The following SCN3A variants were observed in gnomAD, a reference collection of about 807,000 sequenced individuals.
The protein encoded by SCN3A is sodium voltage-gated channel alpha subunit 3, also known as sodium channel protein type 3 subunit alpha.
A neutral mutation model predicts 187.6 loss-of-function variants in SCN3A; 60 were observed. The ratio of observed to expected loss-of-function variants is 0.32; its 90% CI spans 0.26 to 0.40. SCN3A has a LOEUF of 0.40. Among genes scored for constraint, SCN3A ranks in the 10% least tolerant of loss-of-function variants. SCN3A has a pLI of 1.00. For synonymous variants in SCN3A, 788 were observed against 829.2 expected (o/e 0.95, Z 0.85); for missense variants, 1,601 against 2,428.2 (o/e 0.66, Z 7.16).
chr2:165,127,728 A>T lies in SCN3A; in HGVS notation c.3296T>A (p.Leu1099His), dbSNP rs2105761994. 6.2e-7 allele frequency: 1 copy of T among 1,614,166 alleles called. No individual in the cohort carries two copies. Among genetic ancestry groups the T allele is most frequent in the South Asian group, 1.1e-5 (1 of 91,082 alleles). ...AACAGCAATTGGCACTGTGACGGTG[A>T]GGCTGGGGTTGTTTATGAATGACAT... The part of the protein sequence containing the change: ...DYMSFINNPS[L>H]TVTVPIAVGE... The change falls in exon 18 of 28, where the codon CTC becomes CAC. Residue 1099 changes from leucine to histidine, a missense_variant. Physicochemically the swap from Leu to His is moderately conservative, Grantham distance 99. Transcript: ENST00000283254.
intron 2 of SCN3A, among the ~76,000 whole-genome samples, chr2:165,186,292 A>AAC (rs1290655354): frequency 0.018 from 2,628 of 146,384 alleles, 38 homozygotes; most frequent in Non-Finnish European, 0.026. Context: ...ACAACAACAA[A>AAC]AAAACAAAAA....
At chr2:165,182,457 G>A (rs1690939529) in intron 2 of SCN3A, among the ~76,000 whole-genome samples, 1 of 152,132 alleles carries the variant, frequency 6.6e-6, no homozygotes, top group African/African-American at 2.4e-5. Context: ...TGAACCTAAA[G>A]GGTGAGCACA....
chr2:165,095,703 T>C, intron 24 of SCN3A, 55 bp from the exon 25 acceptor site: 1 of 1,013,336 alleles, frequency 9.9e-7, no homozygotes, highest in Non-Finnish European at 1.5e-6. Context: ...ATACTTACAC[T>C]AAATCAGTAA....
intron 15 of SCN3A, among the ~76,000 whole-genome samples, chr2:165,133,224 C>T (rs1315777919): frequency 5.5e-4 from 84 of 152,266 alleles, no homozygotes; most frequent in Admixed American, 1.5e-3. Context: ...GTCAGTGTGG[C>T]GATTCCTCAG....
At chr2:165,146,378 ATATATGTGTGTGTGTGTG>A (rs1384828862) in intron 12 of SCN3A, among the ~76,000 whole-genome samples, 36 of 137,458 alleles carry the variant, frequency 2.6e-4, no homozygotes, top group Middle Eastern at 3.6e-3. Context: ...TTATATATAT[ATATATGTGTGTGTGTGTG>A]TGTGTGTGTG....
chr2:165,126,838 A>G (rs138475839), intron 18 of SCN3A, among the ~76,000 whole-genome samples: 6 of 152,304 alleles, frequency 3.9e-5, no homozygotes, highest in East Asian at 1.9e-4. Flanking sequence ...GCAAAATATA[A>G]TAAGTACTAC....
intron 18 of SCN3A, among the ~76,000 whole-genome samples, chr2:165,116,281 T>C (rs971838226): frequency 2.0e-5 from 3 of 152,208 alleles, no homozygotes; most frequent in Non-Finnish European, 4.4e-5. Context: ...AGAATCTCTA[T>C]AGACTTTCAT....
chr2:165,094,314 C>T, intron 26 of SCN3A, 60 bp downstream of exon 26: 1 of 1,193,512 alleles, frequency 8.4e-7, no homozygotes, highest in South Asian at 1.2e-5. Flanking sequence ...CAGAGCATTG[C>T]TCAATTTGAC....
intron 5 of SCN3A, among the ~76,000 whole-genome samples, chr2:165,167,563 A>C (rs1325721917): frequency 2.6e-5 from 4 of 152,174 alleles, no homozygotes; most frequent in African/African-American, 9.7e-5. Context: ...AACCAGTCAG[A>C]TACCTGATTA....
intron 25 of SCN3A, among the ~76,000 whole-genome samples, chr2:165,094,867 T>C (rs1436894952): frequency 1.3e-5 from 2 of 152,156 alleles, no homozygotes; most frequent in African/African-American, 2.4e-5. Flanking sequence ...TACATAAATA[T>C]ATAAGATACA....
intron 15 of SCN3A, among the ~76,000 whole-genome samples, chr2:165,132,313 G>A (rs1337679115): frequency 1.3e-5 from 2 of 152,128 alleles, no homozygotes; most frequent in African/African-American, 4.8e-5. Flanking sequence ...AAAAGAGCCT[G>A]CATCGCCCAG....
Position 165,092,420 on chromosome 2 carries a change from C to T in SCN3A, c.4641G>A (p.Thr1547=), listed in dbSNP as rs199881559. 3.9e-5 allele frequency: 63 copies of T among 1,613,946 alleles called. No homozygotes were observed. The East Asian group carries it at 5.1e-4, about 13-fold the overall frequency. The part of the protein sequence containing the change: ...CLNMVTMMVE[T]DDQGKYMTLV... The stretch of plus-strand genomic sequence containing the variant: ...GGGTCATGTATTTGCCCTGGTCATC[C>T]GTTTCCACCATCATGGTGACCATGT... Residue 1547 remains threonine, a synonymous_variant, in exon 27 of 28, where the codon ACG becomes ACA. Coordinates refer to ENST00000283254, the MANE Select transcript of SCN3A (RefSeq NM_006922.4). This position sits in a 1 kb window ranked among gnomAD's most constrained non-coding sequence, Gnocchi z 4.2.
At chr2:165,183,203 C>T (rs1691000596) in intron 2 of SCN3A, among the ~76,000 whole-genome samples, 1 of 152,134 alleles carries the variant, frequency 6.6e-6, no homozygotes, top group Non-Finnish European at 1.5e-5. Context: ...AAAAGACATA[C>T]TTGGGATTTA....
At chr2:165,147,531 T>C (rs756959621) in intron 11 of SCN3A, among the ~76,000 whole-genome samples, 4 of 152,184 alleles carry the variant, frequency 2.6e-5, no homozygotes, top group African/African-American at 4.8e-5. Context: ...TACCTCCAGA[T>C]GGAAGTAGGG....
rs373422316 is a variant in SCN3A, at chr2:165,090,384, T to C, written c.5769A>G (p.Ile1923Met). The C allele has an allele frequency of 1.2e-6, 2 of 1,612,822 alleles. No homozygotes were observed. The highest frequency in any genetic ancestry group is 1.3e-5 in the African/African-American group (1 of 74,898). ...CYLLKQRLKNISSNYNKEAIK... is the reference protein window; with the variant it reads ...CYLLKQRLKNMSSNYNKEAIK... ...TTGCCTCTTTGTTATAGTTACTTGA[T>C]ATATTTTTTAACCTTTGCTTTAAAA... is the stretch of plus-strand genomic sequence containing the variant. The change falls in exon 28 of 28, where the codon ATA becomes ATG. Residue 1923 changes from isoleucine to methionine, a missense_variant. By Grantham distance (10) the Ile-to-Met change is conservative (BLOSUM62 1). Transcript: ENST00000283254. This position sits in a 1 kb window ranked among gnomAD's most constrained non-coding sequence, Gnocchi z 4.0.
intron 12 of SCN3A, among the ~76,000 whole-genome samples, chr2:165,143,848 G>A (rs1362108104): frequency 2.0e-5 from 3 of 152,178 alleles, no homozygotes; most frequent in Non-Finnish European, 4.4e-5. Context: ...TTCAAAGTGG[G>A]TTGGGAAAAG....
rs1014463785 is a variant in SCN3A at position 165,104,740 on chromosome 2, A to C, written c.3844-4316T>G. 3.1e-4 allele frequency among the ~76,000 whole-genome samples: 47 copies of C among 152,078 alleles called. 1 individual carries two copies. Among genetic ancestry groups the C allele is most frequent in the Non-Finnish European group, 5.9e-5 (4 of 68,018 alleles). On this transcript the variant is annotated intron_variant, in intron 21 of 27. Coordinates refer to ENST00000283254, the MANE Select transcript of SCN3A (RefSeq NM_006922.4). ...TCATACCACATGTGACAAAATACTAAATTTCCTTAATATAAAAAGAGCTCC... is the reference window on the plus strand; with the variant it reads ...TCATACCACATGTGACAAAATACTACATTTCCTTAATATAAAAAGAGCTCC...
chr2:165,182,151 A>G (rs922816451), intron 2 of SCN3A, among the ~76,000 whole-genome samples: 3 of 152,236 alleles, frequency 2.0e-5, no homozygotes, highest in Non-Finnish European at 4.4e-5. Context: ...TTTAGAGCTC[A>G]AAGCTCCCAC....
At position 165,133,438 on chromosome 2, in the gene SCN3A, A is replaced by G. The variant is rs539750673; in HGVS notation, c.2392-2021T>C. Among the ~76,000 whole-genome samples the G allele has an allele frequency of 2.6e-5, 4 of 152,064 alleles. No homozygotes were observed. In the South Asian group the frequency reaches 8.3e-4, roughly 32 times the overall value. ...GGCGCGATCTTGGCTCACTGCTTCA[A>G]GTGATTCTCCAGTCTCAGCCTCCCA... On this transcript the variant is annotated intron_variant, in intron 15 of 27. Coordinates refer to ENST00000283254, the MANE Select transcript of SCN3A (RefSeq NM_006922.4).
Sources: allele counts gnomAD v4.1 joint callset (sites outside exome capture counted in the v4.1 genomes callset), GRCh38; gene constraint gnomAD v4.1.1; non-coding constraint Gnocchi (gnomAD v3.1); transcripts MANE v1.5; gene names NCBI Gene and HGNC (gene_info 2026-07-23, HGNC 2026-07-21).